The following C4orf51 variants were observed in gnomAD, a reference collection of about 807,000 sequenced individuals.
C4orf51 encodes chromosome 4 open reading frame 51, also known as uncharacterized protein C4orf51.
In C4orf51, 25 loss-of-function variants were observed where a neutral mutation model predicts 25.2. The ratio of observed to expected loss-of-function variants is 0.99; its 90% CI spans 0.72 to 1.39. C4orf51 has a LOEUF of 1.39. Among genes scored for constraint, C4orf51 ranks in the 40% most tolerant of loss-of-function variants. The probability of loss-of-function intolerance (pLI) is 0.00; values close to 1 mark genes in which losing one functional copy is unlikely to be tolerated. For synonymous variants in C4orf51, 100 were observed against 84.5 expected (o/e 1.18, Z -1.01); for missense variants, 252 against 239.6 (o/e 1.05, Z -0.34).
chr4:145,782,228 G>A, the C4orf51 span, among the ~76,000 whole-genome samples: 1 of 152,336 alleles, frequency 6.6e-6, no homozygotes, highest in East Asian at 1.9e-4. Flanking sequence ...AGGCCATTTG[G>A]AGTCTTATCC....
intron 1 of C4orf51, 134 bp from the exon 2 acceptor site, chr4:145,696,425 C>T: frequency 1.4e-6 from 1 of 719,938 alleles, no homozygotes; most frequent in Non-Finnish European, 2.4e-6. Context: ...AAATAACAAA[C>T]CTTCACATGT....
In C4orf51 at chr4:145,763,438, ATTC is replaced by A. The variant is rs1267744584; in HGVS notation, n.167-7545_167-7543del. On this transcript the variant is annotated intron_variant and non_coding_transcript_variant, in intron 1 of 1. Transcript: ENST00000510096. This position sits in a 1 kb window ranked among gnomAD's most constrained non-coding sequence, Gnocchi z 4.6. ...AAGGCATTATCAATTTTTTCAAAGT[ATTC>A]TTCTACTTGGTCATCCTAGAACATA... is the stretch of plus-strand genomic sequence containing the variant. 6.6e-6 allele frequency among the ~76,000 whole-genome samples: 1 copy of A among 152,268 alleles called. No homozygotes were observed. Among genetic ancestry groups the A allele is most frequent in the Non-Finnish European group, 1.5e-5 (1 of 68,050 alleles).
chr4:145,717,354 C>A (rs578031803), intron 2 of C4orf51, among the ~76,000 whole-genome samples: 1 of 152,106 alleles, frequency 6.6e-6, no homozygotes, highest in African/African-American at 2.4e-5. Context: ...ATCAATTTAC[C>A]CATATTGCCT....
At chr4:145,785,630 G>A in the C4orf51 span, among the ~76,000 whole-genome samples, 22 of 152,116 alleles carry the variant, frequency 1.4e-4, no homozygotes, top group Admixed American at 1.3e-3. Flanking sequence ...GAACCTGAAC[G>A]ATCATCTTGT....
At position 145,765,120 on chromosome 4, in the gene C4orf51, A is replaced by G; in HGVS notation, n.167-5868A>G. The stretch of plus-strand genomic sequence containing the variant: ...GTGTATCTGCAGATGACGCTCAAAC[A>G]TGTTCTTCGTCTTGCAGACAAAGTT... On this transcript the variant is annotated intron_variant and non_coding_transcript_variant, in intron 1 of 1. Transcript: ENST00000510096. This position sits in a 1 kb window ranked among gnomAD's most constrained non-coding sequence, Gnocchi z 4.7. 1 of 1,613,974 alleles carries G rather than the reference A, an allele frequency of 6.2e-7. No homozygotes were observed. The highest frequency in any genetic ancestry group is 1.1e-5 in the South Asian group (1 of 91,030).
At chr4:145,766,712 G>A (rs966606589) in intron 1 of C4orf51, among the ~76,000 whole-genome samples, 1 of 152,208 alleles carries the variant, frequency 6.6e-6, no homozygotes, top group African/African-American at 2.4e-5. Context: ...CCCATAGTTG[G>A]AGGGGGAAAA....
chr4:145,765,292 A>G lies in C4orf51; in HGVS notation n.167-5696A>G. 1.8e-6 allele frequency: 2 copies of G among 1,091,050 alleles called. No homozygotes were observed. Among genetic ancestry groups the G allele is most frequent in the Non-Finnish European group, 2.6e-6 (2 of 781,218 alleles). The allele number at this position is 1,091,050 out of a possible 1,614,324, so 67.6% of individuals were successfully genotyped here. On this transcript the variant is annotated intron_variant and non_coding_transcript_variant, in intron 1 of 1. Transcript: ENST00000510096. The surrounding 1 kb of genome is among the most constrained non-coding windows in gnomAD (Gnocchi z 4.7). ...GCCTGACAGCTATACCCTTCCAGGC[A>G]CTGTTCCCCATATCTCTGTGCTAAA...
At chr4:145,691,827 T>C (rs1042585774) in intron 1 of C4orf51, among the ~76,000 whole-genome samples, 13 of 152,228 alleles carry the variant, frequency 8.5e-5, no homozygotes, top group African/African-American at 3.1e-4. Context: ...CTAAGTTCAC[T>C]GTTTGGGTGA....
intron 1 of C4orf51, among the ~76,000 whole-genome samples, chr4:145,681,388 G>T (rs1278245804): frequency 6.6e-6 from 1 of 152,106 alleles, no homozygotes; most frequent in Non-Finnish European, 1.5e-5. Flanking sequence ...AAGATAAAAT[G>T]TCTCAGAAGT....
chr4:145,686,172 CA>C (rs1187496571), intron 1 of C4orf51, among the ~76,000 whole-genome samples: 8 of 152,076 alleles, frequency 5.3e-5, no homozygotes, highest in Admixed American at 5.2e-4. Flanking sequence ...CATAAAAAGA[CA>C]AATTTTGTGT....
At chr4:145,783,980 T>C in the C4orf51 span, among the ~76,000 whole-genome samples, 1 of 152,198 alleles carries the variant, frequency 6.6e-6, no homozygotes, top group South Asian at 2.1e-4. Context: ...GCTGTTCTCA[T>C]GATAGTGAGT....
intron 2 of C4orf51, among the ~76,000 whole-genome samples, chr4:145,701,117 C>T (rs11724485): frequency 6.6e-6 from 1 of 152,126 alleles, no homozygotes; most frequent in Non-Finnish European, 1.5e-5. Context: ...AAAAGGCCAT[C>T]TTATTCTCAA....
At chr4:145,784,348 C>G in the C4orf51 span, among the ~76,000 whole-genome samples, 1 of 152,176 alleles carries the variant, frequency 6.6e-6, no homozygotes, top group African/African-American at 2.4e-5. Context: ...TTTCAGCCAC[C>G]GTTGGTTGGG....
chr4:145,689,660 TTAAG>T (rs1195476862), intron 1 of C4orf51, among the ~76,000 whole-genome samples: 1 of 151,988 alleles, frequency 6.6e-6, no homozygotes, highest in Non-Finnish European at 1.5e-5. Context: ...ACTATTAATA[TTAAG>T]TGTCAACATA....
chr4:145,751,384 C>A (rs867919032), intron 1 of C4orf51, among the ~76,000 whole-genome samples: 1 of 152,174 alleles, frequency 6.6e-6, no homozygotes, highest in Non-Finnish European at 1.5e-5. Flanking sequence ...ATGGTTCTTG[C>A]AGGAGGTAGA....
the C4orf51 span, among the ~76,000 whole-genome samples, chr4:145,776,712 C>T: frequency 6.6e-6 from 1 of 152,014 alleles, no homozygotes; most frequent in South Asian, 2.1e-4. Context: ...GTAAAAGAGG[C>T]CTCATCATTT....
intron 1 of C4orf51, among the ~76,000 whole-genome samples, chr4:145,740,608 C>T (rs1481832762): frequency 2.0e-5 from 3 of 152,178 alleles, no homozygotes; most frequent in Non-Finnish European, 2.9e-5. Context: ...AAAGCAGGTC[C>T]ACCTCTAGAG....
In C4orf51 at chr4:145,691,949, C is replaced by T. The variant is rs1437950910; in HGVS notation, c.234-4610C>T. Among the ~76,000 whole-genome samples, 3 of 152,190 alleles carry T rather than the reference C, an allele frequency of 2.0e-5. No homozygotes were observed. In the East Asian group the frequency reaches 5.8e-4, roughly 29 times the overall value. The stretch of plus-strand genomic sequence containing the variant: ...AGCCTACTAAATGTTGGTAAGGATG[C>T]CTAACAATAAGATCTCTGATATACA... On this transcript the variant is annotated intron_variant, in intron 1 of 5. Transcript: ENST00000438731.
the C4orf51 span, among the ~76,000 whole-genome samples, chr4:145,786,939 T>C: frequency 6.6e-6 from 1 of 152,322 alleles, no homozygotes; most frequent in Non-Finnish European, 1.5e-5. Context: ...ACAATGCAGA[T>C]GGCTGGCACT....
Sources: allele counts gnomAD v4.1 joint callset (sites outside exome capture counted in the v4.1 genomes callset), GRCh38; gene constraint gnomAD v4.1.1; non-coding constraint Gnocchi (gnomAD v3.1); transcripts MANE v1.5; gene names NCBI Gene and HGNC (gene_info 2026-07-23, HGNC 2026-07-21).